Variants in AFF3 observed in about 807,000 individuals in gnomAD.
AFF3 encodes the protein ALF transcription elongation factor 3, also known as AF4/FMR2 family member 3.
Under a neutral mutation model 129.7 loss-of-function variants are expected in AFF3, and 32 were observed. The ratio of observed to expected loss-of-function variants is 0.25; its 90% CI spans 0.19 to 0.33. AFF3 has a LOEUF of 0.33. Among genes scored for constraint, AFF3 ranks in the 10% least tolerant of loss-of-function variants. The pLI, the probability that AFF3 is intolerant of heterozygous loss-of-function variation, is 1.00. For synonymous variants in AFF3, 644 were observed against 635.4 expected (o/e 1.01, Z -0.20); for missense variants, 1,373 against 1,592.0 (o/e 0.86, Z 2.34).
chr2:99,924,287 T>C (rs1426303857), intron 7 of AFF3, among the ~76,000 whole-genome samples: 1 of 152,190 alleles, frequency 6.6e-6, no homozygotes, highest in South Asian at 2.1e-4. Context: ...AAGACAACAA[T>C]GTATATCCTC....
chr2:99,982,999 A>C (rs1307500654), intron 7 of AFF3, among the ~76,000 whole-genome samples: 3 of 152,246 alleles, frequency 2.0e-5, no homozygotes, highest in African/African-American at 7.2e-5. Flanking sequence ...TCATACTTCA[A>C]GTACATAATC....
At chr2:100,061,599 T>C (rs977393264) in intron 4 of AFF3, among the ~76,000 whole-genome samples, 1 of 152,264 alleles carries the variant, frequency 6.6e-6, no homozygotes, top group Non-Finnish European at 1.5e-5. Flanking sequence ...CATGTTTGTA[T>C]GGGCAGGTAT....
At position 99,548,207 on chromosome 2, in the gene AFF3, T is replaced by C. The variant is rs1310872735; in HGVS notation, c.*3267A>G. On this transcript the variant is annotated 3_prime_UTR_variant, in exon 25 of 25. Transcript: ENST00000672756. ...CATGGAAGGATATGGTCAGTTGAACTTGTGTTGAACTTTGGAGGCAAATGT... is the reference window on the plus strand; with the variant it reads ...CATGGAAGGATATGGTCAGTTGAACCTGTGTTGAACTTTGGAGGCAAATGT... 1.0e-5 allele frequency: 2 copies of C among 196,324 alleles called. No homozygotes were observed. Among genetic ancestry groups the C allele is most frequent in the East Asian group, 1.6e-4 (2 of 12,512 alleles). The allele number at this position is 196,324 out of a possible 1,614,324, so 12.2% of individuals were successfully genotyped here. A position where few individuals can be genotyped will look rare whatever the true frequency, so the allele number is the denominator to read the frequency against.
chr2:99,581,763 G>A (rs889407123), intron 17 of AFF3, among the ~76,000 whole-genome samples: 1 of 151,866 alleles, frequency 6.6e-6, no homozygotes, highest in African/African-American at 2.4e-5. Context: ...AGGATGAGTG[G>A]TCCAGGACCA....
intron 17 of AFF3, among the ~76,000 whole-genome samples, chr2:99,579,648 A>T (rs1488767238): frequency 2.6e-5 from 4 of 152,182 alleles, no homozygotes; most frequent in Non-Finnish European, 5.9e-5. Context: ...TGAACCTGGG[A>T]GGTGGAGGTT....
intron 10 of AFF3, among the ~76,000 whole-genome samples, chr2:99,735,850 C>T (rs897746321): frequency 3.3e-5 from 5 of 152,184 alleles, no homozygotes; most frequent in Admixed American, 3.3e-4. Context: ...TAGTTTCTTC[C>T]TCCAGTTTTA....
At chr2:100,116,898 C>A (rs1691756436) in intron 2 of AFF3, among the ~76,000 whole-genome samples, 2 of 152,058 alleles carry the variant, frequency 1.3e-5, no homozygotes, top group African/African-American at 4.8e-5. Context: ...TTGTTTCTTT[C>A]AGTCTGGAAA....
intron 15 of AFF3, among the ~76,000 whole-genome samples, chr2:99,587,822 C>G (rs1678278638): frequency 6.6e-6 from 1 of 151,948 alleles, no homozygotes; most frequent in African/African-American, 2.4e-5. Flanking sequence ...CCATCCTGGC[C>G]AACATGGTGA....
chr2:99,673,822 C>A (rs1011416685), intron 11 of AFF3, among the ~76,000 whole-genome samples: 4 of 152,176 alleles, frequency 2.6e-5, no homozygotes, highest in African/African-American at 9.7e-5. Context: ...AAAGAACTGG[C>A]AGGATAAGGC....
At chr2:99,883,380 T>C (rs756552662) in intron 7 of AFF3, among the ~76,000 whole-genome samples, 1 of 152,220 alleles carries the variant, frequency 6.6e-6, no homozygotes, top group Non-Finnish European at 1.5e-5. Context: ...CCTAAAATTC[T>C]TGCGAATAAG....
At chr2:100,105,330 C>A in intron 3 of AFF3, 174 bp downstream of exon 3, 1 of 1,207,572 alleles carries the variant, frequency 8.3e-7, no homozygotes. Context: ...GCGCCCCAAA[C>A]AAACCGTTTA....
chr2:99,877,536 C>A (rs1426180469), intron 7 of AFF3, among the ~76,000 whole-genome samples: 1 of 152,136 alleles, frequency 6.6e-6, no homozygotes, highest in Non-Finnish European at 1.5e-5. Context: ...AGGGAACCTC[C>A]TTTATGACGA....
chr2:100,118,863 G>A (rs1029184159), intron 2 of AFF3, among the ~76,000 whole-genome samples: 1 of 151,558 alleles, frequency 6.6e-6, no homozygotes, highest in Non-Finnish European at 1.5e-5. Flanking sequence ...CCAGGCTAGG[G>A]TGCAGTGATC....
intron 4 of AFF3, among the ~76,000 whole-genome samples, chr2:100,031,627 C>T (rs183047621): frequency 1.3e-3 from 202 of 152,282 alleles, no homozygotes; most frequent in Non-Finnish European, 1.7e-3. Flanking sequence ...GTCTGAGGCA[C>T]CTTGTAGTGC....
At chr2:100,082,049 G>A (rs1246914464) in intron 4 of AFF3, among the ~76,000 whole-genome samples, 3 of 151,950 alleles carry the variant, frequency 2.0e-5, no homozygotes, top group Admixed American at 2.0e-4. Context: ...CTTGATTTAG[G>A]GATTTTTTTA....
chr2:99,945,887 A>C (rs1233571563), intron 7 of AFF3, among the ~76,000 whole-genome samples: 1 of 152,230 alleles, frequency 6.6e-6, no homozygotes, highest in Admixed American at 6.5e-5. Context: ...CCTGTGAAGG[A>C]TGTGACAGAG....
Position 99,551,123 on chromosome 2 carries a change from G to A in AFF3, c.*351C>T, listed in dbSNP as rs1351655703. ...GTTTAGCACTGGAATGGAATAGAAA[G>A]TGTGTGTCTGTGATTGTGTGTGAGT... is the stretch of plus-strand genomic sequence containing the variant. On this transcript the variant is annotated 3_prime_UTR_variant, in exon 25 of 25. Coordinates refer to ENST00000672756, the MANE Select transcript of AFF3 (RefSeq NM_001386135.1). 2 of 435,944 alleles carry A rather than the reference G, an allele frequency of 4.6e-6. No individual in the cohort carries two copies. Among genetic ancestry groups the A allele is most frequent in the African/African-American group, 3.9e-5 (2 of 50,696 alleles). The allele number at this position is 435,944 out of a possible 1,614,324, so 27.0% of individuals were successfully genotyped here.
At chr2:100,124,986 C>G (rs1325550745) in intron 2 of AFF3, among the ~76,000 whole-genome samples, 1 of 152,030 alleles carries the variant, frequency 6.6e-6, no homozygotes, top group East Asian at 1.9e-4. Context: ...CTTCATCAGT[C>G]AATGACAGAA....
Position 99,641,047 on chromosome 2 carries a change from C to A in AFF3, c.1184+8579G>T, listed in dbSNP as rs111613053. On this transcript the variant is annotated intron_variant, in intron 13 of 24. Coordinates refer to ENST00000672756, the MANE Select transcript of AFF3 (RefSeq NM_001386135.1). ...GCCACAGAGGGGAGGCCTGCCACTCCCTGTCCACCCTGCAGCCTGGCCCTG... is the reference window on the plus strand; with the variant it reads ...GCCACAGAGGGGAGGCCTGCCACTCACTGTCCACCCTGCAGCCTGGCCCTG... Among the ~76,000 whole-genome samples the A allele has an allele frequency of 2.4e-3, 369 of 152,304 alleles. 2 individuals carry two copies. Among genetic ancestry groups the A allele is most frequent in the African/African-American group, 8.5e-3 (352 of 41,572 alleles).
Sources: allele counts gnomAD v4.1 joint callset (sites outside exome capture counted in the v4.1 genomes callset), GRCh38; gene constraint gnomAD v4.1.1; transcripts MANE v1.5; gene names NCBI Gene and HGNC (gene_info 2026-07-23, HGNC 2026-07-21).